GABRB1: variants seen among roughly 807,000 people sequenced by gnomAD.
GABRB1 encodes gamma-aminobutyric acid receptor subunit beta-1.
In GABRB1, 17 loss-of-function variants were observed where a neutral mutation model predicts 51.6. The observed-to-expected ratio is 0.33, with a 90% CI of 0.23 to 0.49. The LOEUF (loss-of-function observed/expected upper bound fraction) is 0.49, where lower values mean the gene tolerates loss of function less well. GABRB1 is among the 20% of genes least tolerant of loss of function. The pLI is 0.99. For missense variants in GABRB1, 410 were observed against 600.6 expected (o/e 0.68, Z 3.32); for synonymous variants, 247 against 218.9 (o/e 1.13, Z -1.14).
intron 4 of GABRB1, among the ~76,000 whole-genome samples, chr4:47,298,847 G>A (rs1724123148): frequency 6.6e-6 from 1 of 151,874 alleles, no homozygotes; most frequent in Non-Finnish European, 1.5e-5. Context: ...TATACTACAA[G>A]GCTACAGTAA....
At chr4:47,328,320 G>A (rs2109971697) in intron 5 of GABRB1, among the ~76,000 whole-genome samples, 1 of 152,210 alleles carries the variant, frequency 6.6e-6, no homozygotes, top group South Asian at 2.1e-4. Context: ...AGTTTAATGA[G>A]ATCCCATTTG....
chr4:47,144,443 C>T (rs982493031), intron 3 of GABRB1, among the ~76,000 whole-genome samples: 6 of 151,860 alleles, frequency 4.0e-5, no homozygotes, highest in Admixed American at 3.3e-4. Context: ...TTTCATATAC[C>T]AATCACAAAA....
intron 4 of GABRB1, among the ~76,000 whole-genome samples, chr4:47,316,201 G>C (rs1724882359): frequency 6.6e-6 from 1 of 151,614 alleles, no homozygotes; most frequent in East Asian, 1.9e-4. Flanking sequence ...GTATAGTTTG[G>C]TGGTAATTAA....
chr4:47,382,295 C>T (rs1727624577), intron 5 of GABRB1, among the ~76,000 whole-genome samples: 1 of 152,066 alleles, frequency 6.6e-6, no homozygotes, highest in Non-Finnish European at 1.5e-5. Flanking sequence ...TAGCAGCATC[C>T]CAGGCCTCTA....
intron 5 of GABRB1, among the ~76,000 whole-genome samples, chr4:47,372,223 G>T (rs865803494): frequency 2.0e-5 from 3 of 152,094 alleles, no homozygotes; most frequent in Non-Finnish European, 4.4e-5. Flanking sequence ...TTTTTGTCAG[G>T]TTTGTCGAAG....
chr4:47,264,882 T>C (rs1722586624), intron 4 of GABRB1, among the ~76,000 whole-genome samples: 1 of 152,238 alleles, frequency 6.6e-6, no homozygotes, highest in African/African-American at 2.4e-5. Flanking sequence ...TTGCATTTTC[T>C]AGAATTTTAT....
chr4:47,096,055 C>A (rs896641639), intron 3 of GABRB1, among the ~76,000 whole-genome samples: 1 of 152,110 alleles, frequency 6.6e-6, no homozygotes, highest in African/African-American at 2.4e-5. Context: ...TGGAGACGTA[C>A]CTCCATATGC....
chr4:47,297,191 T>C (rs1724034337), intron 4 of GABRB1, among the ~76,000 whole-genome samples: 1 of 150,770 alleles, frequency 6.6e-6, no homozygotes. Flanking sequence ...AACATCACAA[T>C]TAAAAGAACT....
At chr4:47,353,477 A>C (rs1392039217) in intron 5 of GABRB1, among the ~76,000 whole-genome samples, 1 of 152,178 alleles carries the variant, frequency 6.6e-6, no homozygotes, top group Non-Finnish European at 1.5e-5. Flanking sequence ...ATCTTGGTAT[A>C]AATGCCTTGA....
chr4:47,327,572 C>A (rs1231714995), intron 5 of GABRB1, among the ~76,000 whole-genome samples: 1 of 152,262 alleles, frequency 6.6e-6, no homozygotes, highest in East Asian at 1.9e-4. Flanking sequence ...AAAGGTAACA[C>A]TTAGTGACAC....
intron 5 of GABRB1, among the ~76,000 whole-genome samples, chr4:47,338,944 G>A (rs144702854): frequency 6.6e-6 from 1 of 152,142 alleles, no homozygotes; most frequent in South Asian, 2.1e-4. Flanking sequence ...AGATTTAGCA[G>A]TTCAGTTCCT....
chr4:47,142,740 A>G (rs1038517072), intron 3 of GABRB1, among the ~76,000 whole-genome samples: 16 of 151,882 alleles, frequency 1.1e-4, no homozygotes, highest in African/African-American at 3.9e-4. Flanking sequence ...GAAATTGGTA[A>G]TTGATAGGAT....
Position 47,401,817 on chromosome 4 carries a change from TATCTA to T in GABRB1, c.545-1500_545-1496del, listed in dbSNP as rs1560370051. ...ATCAAATTCCATCTATCTATCTATC[TATCTA>T]GCTATCTATCTATCTATCATCTATC... On this transcript the variant is annotated intron_variant, in intron 5 of 8. Transcript: ENST00000295454. Among the ~76,000 whole-genome samples the T allele has an allele frequency of 7.5e-3, 638 of 84,600 alleles. 2 individuals carry two copies. The highest frequency in any genetic ancestry group is 0.028 in the Middle Eastern group (3 of 108). The allele number at this position is 84,600 out of a possible 152,430, so 55.5% of individuals were successfully genotyped here.
chr4:47,205,903 A>T (rs1309896282), intron 4 of GABRB1, among the ~76,000 whole-genome samples: 1 of 152,026 alleles, frequency 6.6e-6, no homozygotes. Context: ...CCCATTCTCA[A>T]ATATTTTTGT....
intron 4 of GABRB1, among the ~76,000 whole-genome samples, chr4:47,289,309 A>G (rs1279677069): frequency 6.6e-6 from 1 of 152,218 alleles, no homozygotes; most frequent in Non-Finnish European, 1.5e-5. Context: ...CAGAAAGGAA[A>G]AAGTGCATTA....
At chr4:47,398,976 G>A (rs1458673571) in intron 5 of GABRB1, among the ~76,000 whole-genome samples, 1 of 152,186 alleles carries the variant, frequency 6.6e-6, no homozygotes, top group Non-Finnish European at 1.5e-5. Context: ...ATTTTTAGTG[G>A]AGACGGGGTT....
At chr4:47,108,094 T>C (rs929980476) in intron 3 of GABRB1, among the ~76,000 whole-genome samples, 1 of 152,098 alleles carries the variant, frequency 6.6e-6, no homozygotes, top group Admixed American at 6.6e-5. Context: ...CATAGTTTGG[T>C]AATTTTATAT....
intron 3 of GABRB1, among the ~76,000 whole-genome samples, chr4:47,110,710 A>T (rs771398742): frequency 2.6e-5 from 4 of 152,172 alleles, no homozygotes; most frequent in Admixed American, 6.5e-5. Context: ...AAGTTTTAGA[A>T]ATCTTATCTT....
intron 4 of GABRB1, among the ~76,000 whole-genome samples, chr4:47,296,372 T>A (rs1723993617): frequency 6.6e-6 from 1 of 152,090 alleles, no homozygotes; most frequent in Admixed American, 6.5e-5. Context: ...CCATCTCACA[T>A]GCAGAGACAC....
Sources: allele counts gnomAD v4.1 joint callset (sites outside exome capture counted in the v4.1 genomes callset), GRCh38; gene constraint gnomAD v4.1.1; transcripts MANE v1.5; gene names NCBI Gene and HGNC (gene_info 2026-07-23, HGNC 2026-07-21).